The following PLCE1 variants were observed in gnomAD, a reference collection of about 807,000 sequenced individuals.
PLCE1 encodes 1-phosphatidylinositol 4,5-bisphosphate phosphodiesterase epsilon-1.
Under a neutral mutation model 242.8 loss-of-function variants are expected in PLCE1, and 119 were observed. The ratio of observed to expected loss-of-function variants is 0.49; its 90% CI spans 0.42 to 0.57. The LOEUF is 0.57. PLCE1 is among the 20% of genes least tolerant of loss of function. The pLI, the probability that PLCE1 is intolerant of heterozygous loss-of-function variation, is 0.00. For missense variants in PLCE1, 2,441 were observed against 2,788.8 expected (o/e 0.88, Z 2.81); for synonymous variants, 945 against 1,017.4 (o/e 0.93, Z 1.35).
In PLCE1 at chr10:94,324,784, T is replaced by C. The variant is rs541037631; in HGVS notation, c.6721-108T>C. Reference sequence around the variant, plus strand: ...AGAGGGGAGCTCCTCAGCCCTACTCTCTCCAAAGCTCTAGAGAGAAGAGGA... The same window carrying C: ...AGAGGGGAGCTCCTCAGCCCTACTCCCTCCAAAGCTCTAGAGAGAAGAGGA... On this transcript the variant is annotated intron_variant, in intron 31 of 32. Coordinates refer to ENST00000371380, the MANE Select transcript of PLCE1 (RefSeq NM_016341.4). 45 of 1,184,278 alleles carry C rather than the reference T, an allele frequency of 3.8e-5. No individual in the cohort carries two copies. The African/African-American group carries it at 5.6e-4, about 15-fold the overall frequency. The allele number at this position is 1,184,278 out of a possible 1,614,324, so 73.4% of individuals were successfully genotyped here. A position where few individuals can be genotyped will look rare whatever the true frequency, so the allele number is the denominator to read the frequency against.
At chr10:94,016,385 A>G (rs2061283243) in intron 1 of PLCE1, among the ~76,000 whole-genome samples, 1 of 152,154 alleles carries the variant, frequency 6.6e-6, no homozygotes, top group Non-Finnish European at 1.5e-5. Flanking sequence ...GACCTAAAAC[A>G]TTAAACTCAT....
At chr10:94,151,607 G>A (rs780700283) in intron 3 of PLCE1, among the ~76,000 whole-genome samples, 1 of 152,152 alleles carries the variant, frequency 6.6e-6, no homozygotes, top group Non-Finnish European at 1.5e-5. Flanking sequence ...ACATTTATAA[G>A]CCATCTGCTT....
At chr10:94,226,110 A>G (rs1242694159) in intron 4 of PLCE1, among the ~76,000 whole-genome samples, 1 of 152,228 alleles carries the variant, frequency 6.6e-6, no homozygotes, top group Admixed American at 6.5e-5. Context: ...CTAAGCACCA[A>G]AGTAAAGGTG....
chr10:94,291,695 G>A (rs1439229795), intron 22 of PLCE1, among the ~76,000 whole-genome samples: 1 of 152,134 alleles, frequency 6.6e-6, no homozygotes, highest in Non-Finnish European at 1.5e-5. Context: ...TTGAGGTCAG[G>A]AGTTCAAGAT....
intron 2 of PLCE1, chr10:94,105,016 C>G (rs1052914436): frequency 1.3e-5 from 2 of 152,124 alleles, no homozygotes; most frequent in African/African-American, 4.8e-5. Context: ...TTATTCGTTT[C>G]TCTTTTGAGT....
intron 2 of PLCE1, chr10:94,096,918 G>C (rs1277349116): frequency 6.6e-6 from 1 of 152,228 alleles, no homozygotes; most frequent in Non-Finnish European, 1.5e-5. Flanking sequence ...ACTTCCTCAT[G>C]AGGCTAGCAA....
intron 4 of PLCE1, among the ~76,000 whole-genome samples, chr10:94,207,553 G>GTGTGTA (rs1174991398): frequency 8.3e-6 from 1 of 120,808 alleles, no homozygotes; most frequent in Non-Finnish European, 1.8e-5. Flanking sequence ...GTGTGTGTGT[G>GTGTGTA]TATAGACTTT....
At chr10:94,103,237 C>A (rs2045603545) in intron 2 of PLCE1, among the ~76,000 whole-genome samples, 2 of 152,176 alleles carry the variant, frequency 1.3e-5, no homozygotes. Flanking sequence ...TCATTATCAC[C>A]ATTTTACAGA....
chr10:94,273,469 G>A lies in PLCE1; in HGVS notation c.4507-93G>A, dbSNP rs1403586819. On this transcript the variant is annotated intron_variant, in intron 18 of 32. Coordinates refer to ENST00000371380, the MANE Select transcript of PLCE1 (RefSeq NM_016341.4). ...TAAGACTTTTTAAATAATTCAACCAGTCTAAAATATCTACTATGTTTATGA... is the reference window on the plus strand; with the variant it reads ...TAAGACTTTTTAAATAATTCAACCAATCTAAAATATCTACTATGTTTATGA... 4.1e-6 allele frequency: 5 copies of A among 1,232,912 alleles called. No individual in the cohort carries two copies. In the East Asian group the frequency reaches 1.3e-4, roughly 31 times the overall value. The allele number at this position is 1,232,912 out of a possible 1,614,324, so 76.4% of individuals were successfully genotyped here. A position where few individuals can be genotyped will look rare whatever the true frequency, so the allele number is the denominator to read the frequency against.
chr10:94,045,381 C>T (rs1187652166), intron 2 of PLCE1, among the ~76,000 whole-genome samples: 1 of 152,160 alleles, frequency 6.6e-6, no homozygotes, highest in Non-Finnish European at 1.5e-5. Context: ...AGTGATCTTT[C>T]CGCCTTGACC....
chr10:94,025,107 A>T (rs1285976903), intron 1 of PLCE1, among the ~76,000 whole-genome samples: 1 of 152,020 alleles, frequency 6.6e-6, no homozygotes, highest in Non-Finnish European at 1.5e-5. Context: ...TCACCTCACA[A>T]TCTAAGATGG....
At position 94,246,092 on chromosome 10, in the gene PLCE1, A is replaced by G; in HGVS notation, c.2567A>G (p.Asp856Gly). 1 of 1,614,108 alleles carries G rather than the reference A, an allele frequency of 6.2e-7. No individual in the cohort carries two copies. Among genetic ancestry groups the G allele is most frequent in the East Asian group, 2.2e-5 (1 of 44,858 alleles). The change falls in exon 8 of 33, where the codon GAT (aspartate) becomes GGT (glycine). Residue 856 changes from aspartate (D) to glycine (G), a missense_variant. Coordinates refer to ENST00000371380, the MANE Select transcript of PLCE1 (RefSeq NM_016341.4). The stretch of plus-strand genomic sequence containing the variant: ...TGGTACGTGCTGTCCATCCAAGCCG[A>G]TGTGCACCAGTTCCTGCTGCAGGGG... ...IPWYVLSIQA[D>G]VHQFLLQGAT... is the part of the protein sequence containing the mutation.
At chr10:94,270,430 C>T in intron 17 of PLCE1, 56 bp from the exon 18 acceptor site, 1 of 1,138,756 alleles carries the variant, frequency 8.8e-7, no homozygotes, top group South Asian at 1.2e-5. Context: ...ACTACCCTGC[C>T]TTCTGACCAC....
chr10:94,324,246 T>C, intron 30 of PLCE1, 103 bp from the exon 31 acceptor site: 1 of 885,450 alleles, frequency 1.1e-6, no homozygotes, highest in Non-Finnish European at 1.9e-6. Context: ...ATCCCCTTCA[T>C]CTCTAGTCTG....
Position 94,279,840 on chromosome 10 carries a change from G to A in PLCE1, c.4724G>A (p.Arg1575Gln), listed in dbSNP as rs2274224. The A allele has an allele frequency of 1.4e-4, 223 of 1,613,004 alleles. No homozygotes were observed. The highest frequency in any genetic ancestry group is 1.8e-4 in the Non-Finnish European group (207 of 1,179,464). The change falls in exon 20 of 33, where the codon CGA becomes CAA. Residue 1575 changes from arginine (R) to glutamine (Q), a missense_variant. Physicochemically the swap from Arg to Gln is conservative, Grantham distance 43. Transcript: ENST00000371380. ...QAYNGGNANP[R>Q]PANNEEEEDE... Reference sequence around the variant, plus strand: ...TATAATGGTGGGAATGCCAACCCCCGACCTGCCAATAATGAGGAAGAGGAA... The same window carrying A: ...TATAATGGTGGGAATGCCAACCCCCAACCTGCCAATAATGAGGAAGAGGAA...
At chr10:94,168,776 G>A (rs1456085513) in intron 3 of PLCE1, among the ~76,000 whole-genome samples, 1 of 152,118 alleles carries the variant, frequency 6.6e-6, no homozygotes, top group Non-Finnish European at 1.5e-5. Flanking sequence ...TCTGCAGAGT[G>A]CTATAGTTCG....
intron 2 of PLCE1, among the ~76,000 whole-genome samples, chr10:94,109,989 C>G (rs1420828271): frequency 6.6e-6 from 1 of 150,454 alleles, no homozygotes; most frequent in Non-Finnish European, 1.5e-5. Flanking sequence ...TGTTAGAATC[C>G]TTTGGCAAAT....
At chr10:94,136,181 G>A (rs1327318189) in intron 3 of PLCE1, among the ~76,000 whole-genome samples, 3 of 152,168 alleles carry the variant, frequency 2.0e-5, no homozygotes, top group Non-Finnish European at 2.9e-5. Flanking sequence ...AGTACTTAGG[G>A]TAGTCAAAAT....
intron 1 of PLCE1, among the ~76,000 whole-genome samples, chr10:94,029,323 C>G (rs1315068938): frequency 3.9e-5 from 6 of 152,206 alleles, no homozygotes; most frequent in African/African-American, 1.4e-4. Context: ...CCATATGCCA[C>G]TAAAATTATC....
Sources: allele counts gnomAD v4.1 joint callset (sites outside exome capture counted in the v4.1 genomes callset), GRCh38; gene constraint gnomAD v4.1.1; transcripts MANE v1.5; gene names NCBI Gene and HGNC (gene_info 2026-07-23, HGNC 2026-07-21).